Variants in ARVCF observed in about 807,000 individuals in gnomAD.
The protein encoded by ARVCF is ARVCF delta catenin family member.
In ARVCF, 66 loss-of-function variants were observed where a neutral mutation model predicts 90.9. The observed-to-expected ratio is 0.73, with a 90% CI of 0.60 to 0.89. The LOEUF (loss-of-function observed/expected upper bound fraction) is 0.89, where lower values mean the gene tolerates loss of function less well. Among genes scored for constraint, ARVCF ranks in the 40% least tolerant of loss-of-function variants. The probability of loss-of-function intolerance (pLI) is 0.00; values close to 1 mark genes in which losing one functional copy is unlikely to be tolerated. For synonymous variants in ARVCF, 653 were observed against 603.4 expected, an observed-to-expected ratio of 1.08 and a Z score of -1.21; for missense variants, 1,469 against 1,382.3, an observed-to-expected ratio of 1.06 and a Z score of -1.00.
At chr22:20,007,032 T>C (rs759223676) in intron 2 of ARVCF, among the ~76,000 whole-genome samples, 1 of 152,064 alleles carries the variant, frequency 6.6e-6, no homozygotes, top group Non-Finnish European at 1.5e-5. Flanking sequence ...GGCAAGTGGA[T>C]TGCTGGGGCC....
In ARVCF at chr22:19,981,979, G is replaced by A. The variant is rs761700407; in HGVS notation, c.323C>T (p.Ser108Phe). The change falls in exon 4 of 20, where the codon TCT (serine) becomes TTT (phenylalanine). Residue 108 changes from serine to phenylalanine, a missense_variant. Physicochemically the swap from Ser to Phe is radical, Grantham distance 155. Transcript: ENST00000263207. ...EDPGTPTSHVSIVTSEDGTTR... is the reference protein window; with the variant it reads ...EDPGTPTSHVFIVTSEDGTTR... The stretch of plus-strand genomic sequence containing the variant: ...TGTGCCATCTTCGGATGTGACAATA[G>A]ACACATGGGAAGTGGGTGTGCCGGG... 1.2e-5 allele frequency: 20 copies of A among 1,613,088 alleles called. No individual in the cohort carries two copies. Among genetic ancestry groups the A allele is most frequent in the African/African-American group, 4.0e-5 (3 of 74,900 alleles).
At chr22:19,984,984 G>A (rs1943688583) in intron 3 of ARVCF, among the ~76,000 whole-genome samples, 1 of 152,134 alleles carries the variant, frequency 6.6e-6, no homozygotes, top group South Asian at 2.1e-4. Context: ...CTCTCAACAG[G>A]AGTTGGCTGC....
At chr22:20,006,566 G>T (rs941675504) in intron 2 of ARVCF, among the ~76,000 whole-genome samples, 1 of 100,338 alleles carries the variant, frequency 1.0e-5, no homozygotes, top group Non-Finnish European at 2.3e-5. Flanking sequence ...GCGGTAGAGC[G>T]TGACTCTGTC....
At chr22:20,008,798 C>T (rs1013524732) in intron 2 of ARVCF, among the ~76,000 whole-genome samples, 1 of 152,210 alleles carries the variant, frequency 6.6e-6, no homozygotes, top group Non-Finnish European at 1.5e-5. Flanking sequence ...ACATGAAAAA[C>T]CAATCACCAC....
intron 2 of ARVCF, among the ~76,000 whole-genome samples, chr22:20,004,828 G>A (rs943357445): frequency 6.6e-6 from 1 of 152,124 alleles, no homozygotes; most frequent in Non-Finnish European, 1.5e-5. Context: ...GATGGAACTG[G>A]ATACACACAC....
rs2146381366 is a variant in ARVCF, at chr22:19,990,787, TC to T, written c.7del (p.Asp3ThrfsTer14). ...GCTGGCGGCCGAGTGCACATTGCAG[TC>T]CTCCATGACCAGAGCGCCCGCCAGC... is the stretch of plus-strand genomic sequence containing the variant. ME[D>X]CNVHSAASIL... On this transcript the variant is annotated frameshift_variant, in exon 3 of 20. Transcript: ENST00000263207. LOFTEE classifies it high-confidence loss of function. 6.4e-7 allele frequency: 1 copy of T among 1,569,286 alleles called. No individual in the cohort carries two copies. The highest frequency in any genetic ancestry group is 2.4e-5 in the East Asian group (1 of 42,354).
At chr22:19,968,740 C>CG (rs1489920198), downstream of ARVCF, 5 of 1,471,596 alleles carry the variant, frequency 3.4e-6, no homozygotes, top group Non-Finnish European at 4.5e-6. Context: ...GCCCTGACTG[C>CG]CCCCCCGGCC....
chr22:19,990,314 G>C (rs1431319774), intron 3 of ARVCF, among the ~76,000 whole-genome samples: 2 of 152,218 alleles, frequency 1.3e-5, no homozygotes, highest in Non-Finnish European at 2.9e-5. Context: ...GAGCTGCCCA[G>C]AACAGACCCC....
downstream of ARVCF, chr22:19,967,017 T>G: frequency 8.3e-7 from 1 of 1,199,716 alleles, no homozygotes; most frequent in Non-Finnish European, 1.1e-6. Flanking sequence ...GGTAGGAGGC[T>G]TGCAGTGTCG....
intron 5 of ARVCF, chr22:19,980,795 C>A: frequency 4.9e-6 from 1 of 204,000 alleles, no homozygotes; most frequent in Non-Finnish European, 9.8e-6. Flanking sequence ...TGCCCTGAGG[C>A]TAGGAGTGAC....
rs146645871 is a variant in ARVCF, at chr22:20,010,720, C to T, written c.-72-212G>A. 2.1e-3 allele frequency among the ~76,000 whole-genome samples: 316 copies of T among 152,338 alleles called. 2 individuals are homozygous for T. The highest frequency in any genetic ancestry group is 7.5e-3 in the African/African-American group (310 of 41,570). On this transcript the variant is annotated intron_variant, in intron 1 of 19. Coordinates refer to ENST00000263207, the MANE Select transcript of ARVCF (RefSeq NM_001670.3). Reference sequence around the variant, plus strand: ...GACTGTAGGTGACACTGGGCTGCCACGGTTCCTTGTCAGCATGTCTAATGC... The same window carrying T: ...GACTGTAGGTGACACTGGGCTGCCATGGTTCCTTGTCAGCATGTCTAATGC...
At position 19,971,885 on chromosome 22, in the gene ARVCF, CTT is replaced by C; in HGVS notation, c.2780_2781del (p.Lys927ThrfsTer27). On this transcript the variant is annotated frameshift_variant and splice_region_variant, in exon 18 of 20. Coordinates refer to ENST00000263207, the MANE Select transcript of ARVCF (RefSeq NM_001670.3). LOFTEE classifies it high-confidence loss of function. ...CTGCCCACAGCCACATGACCACTTA[CTT>C]TCAAGGGTTCCTTCTCAGAGGCCTC... ...AGEASEKEPL[K>X]LDPSRKAPPP... 1 of 1,613,338 alleles carries C rather than the reference CTT, an allele frequency of 6.2e-7. No individual in the cohort carries two copies. Among genetic ancestry groups the C allele is most frequent in the Non-Finnish European group, 8.5e-7 (1 of 1,179,870 alleles).
At position 19,977,869 on chromosome 22, in the gene ARVCF, CCT is replaced by C. The variant is rs562403477; in HGVS notation, c.1698+87_1698+88del. On this transcript the variant is annotated intron_variant, in intron 8 of 19. Coordinates refer to ENST00000263207, the MANE Select transcript of ARVCF (RefSeq NM_001670.3). ...CACCCCAGACCCACAAGCCCATTCCCCTGTGCTGCTCCCACAGTTCCAGCCTC... is the reference window on the plus strand; with the variant it reads ...CACCCCAGACCCACAAGCCCATTCCCGTGCTGCTCCCACAGTTCCAGCCTC... 257 of 1,417,740 alleles carry C rather than the reference CCT, an allele frequency of 1.8e-4. 1 individual carries two copies. The African/African-American group carries it at 3.4e-3, about 19-fold the overall frequency. 87.8% of individuals were successfully genotyped at this position (1,417,740 alleles called of 1,614,324 possible).
At chr22:19,968,094 T>C (rs1315245764), downstream of ARVCF, among the ~76,000 whole-genome samples, 1 of 152,148 alleles carries the variant, frequency 6.6e-6, no homozygotes, top group Non-Finnish European at 1.5e-5. Flanking sequence ...ACCTCAGCCC[T>C]GCAGGGTCAC....
intron 3 of ARVCF, 82 bp downstream of exon 3, chr22:19,990,503 T>C: frequency 1.4e-6 from 2 of 1,466,288 alleles, no homozygotes; most frequent in African/African-American, 2.8e-5. Flanking sequence ...AGCGAGCGCA[T>C]GCTGGCTTGT....
chr22:19,971,833 C>T (rs1250890871), intron 18 of ARVCF, 53 bp downstream of exon 18: 1 of 1,593,068 alleles, frequency 6.3e-7, no homozygotes, highest in African/African-American at 1.3e-5. Context: ...CTCCAGCAAC[C>T]CCTAGACACG....
chr22:20,000,817 ATCTATCAATAGCCC>A lies in ARVCF; in HGVS notation c.-19+9624_-19+9637del, dbSNP rs531385979. On this transcript the variant is annotated intron_variant, in intron 2 of 19. Transcript: ENST00000263207. ...CCACCATGAGAGGACACACAGCGCC[ATCTATCAATAGCCC>A]TCACCAGACACGGAATCTGCTGGCG... 3.1e-4 allele frequency among the ~76,000 whole-genome samples: 47 copies of A among 152,130 alleles called. No individual in the cohort carries two copies. The East Asian group carries it at 8.5e-3, about 28-fold the overall frequency.
In ARVCF at chr22:19,971,488, G is replaced by A. The variant is rs13056165; in HGVS notation, c.2782-153C>T. 0.13 allele frequency among the ~76,000 whole-genome samples: 19,714 copies of A among 152,230 alleles called. 1,663 individuals carry two copies. Among genetic ancestry groups the A allele is most frequent in the South Asian group, 0.19 (924 of 4,828 alleles). On this transcript the variant is annotated intron_variant, in intron 18 of 19. Coordinates refer to ENST00000263207, the MANE Select transcript of ARVCF (RefSeq NM_001670.3). Reference sequence around the variant, plus strand: ...ACCAAGGGCGCAGGGAGCCGGAAACGTGTGGCTCACACGGGCCCAGGGCGG... The same window carrying A: ...ACCAAGGGCGCAGGGAGCCGGAAACATGTGGCTCACACGGGCCCAGGGCGG...
intron 8 of ARVCF, 82 bp downstream of exon 8, chr22:19,977,876 T>C: frequency 6.9e-7 from 1 of 1,450,524 alleles, no homozygotes; most frequent in Non-Finnish European, 9.4e-7. Flanking sequence ...TCCCCTGTGC[T>C]GCTCCCACAG....
Sources: gnomAD v4.1 joint callset for allele counts (sites outside exome capture counted in the v4.1 genomes callset) on GRCh38, gnomAD v4.1.1 for gene constraint, MANE v1.5 for transcripts, NCBI Gene and HGNC (gene_info 2026-07-23, HGNC 2026-07-21) for gene names.